The following NHS variants were observed in gnomAD, a reference collection of about 807,000 sequenced individuals.
NHS encodes the protein NHS actin remodeling regulator.
NHS carries 5 observed loss-of-function variants against 72.5 expected under a neutral mutation model. That is an observed-to-expected ratio of 0.07 (90% CI 0.04 to 0.14). NHS has a LOEUF of 0.14. Ranked by LOEUF, NHS falls within the 10% of genes least tolerant of loss-of-function variation. The pLI, the probability that NHS is intolerant of heterozygous loss-of-function variation, is 1.00. For missense variants in NHS, 1,072 were observed against 1,355.7 expected, an observed-to-expected ratio of 0.79 and a Z score of 3.29; for synonymous variants, 464 against 547.7, an observed-to-expected ratio of 0.85 and a Z score of 2.13.
chrX:17,581,698 G>A (rs1023304375), intron 1 of NHS, among the ~76,000 whole-genome samples: 1 of 111,455 alleles, frequency 9.0e-6, no homozygotes, highest in Non-Finnish European at 1.9e-5. Context: ...GGAATTAACA[G>A]GTTAATTAGG....
rs1039634596 is a variant in NHS, at chrX:17,732,784, G to A, written c.*320G>A. 1.1e-5 allele frequency: 3 copies of A among 262,069 alleles called. No homozygotes were observed. The highest frequency in any genetic ancestry group is 2.1e-5 in the Non-Finnish European group (3 of 145,423). The allele number at this position is 262,069 out of a possible 1,213,427, so 21.6% of individuals were successfully genotyped here. On this transcript the variant is annotated 3_prime_UTR_variant, in exon 9 of 9. Coordinates refer to ENST00000676302, the MANE Select transcript of NHS (RefSeq NM_001291867.2). The stretch of plus-strand genomic sequence containing the variant: ...GACACCTAGAAAACGTTTTCCCAGA[G>A]CTGCCTATTCAGAAACTAAAGCCCT...
intron 1 of NHS, among the ~76,000 whole-genome samples, chrX:17,520,446 A>T (rs1196081542): frequency 8.9e-6 from 1 of 111,831 alleles, no homozygotes; most frequent in Admixed American, 9.4e-5. Context: ...GATTGCTCAC[A>T]TTCTGTTTGG....
intron 1 of NHS, among the ~76,000 whole-genome samples, chrX:17,547,178 T>C (rs1261748299): frequency 8.9e-6 from 1 of 112,232 alleles, no homozygotes; most frequent in Non-Finnish European, 1.9e-5. Context: ...TTTTTTCCTT[T>C]AGTGTAACAA....
rs778321482 is a variant in NHS at position 17,561,626 on chromosome X, C to T, written c.566-126116C>T. 3.6e-5 allele frequency among the ~76,000 whole-genome samples: 3 copies of T among 83,389 alleles called. No individual in the cohort carries two copies. The South Asian group carries it at 2.1e-3, about 58-fold the overall frequency. 72.4% of individuals were successfully genotyped at this position (83,389 alleles called of 115,157 possible). ...CACACACACACACACACACATCATGCCTTCCCAAGGTACTGGCTTGGCTTG... is the reference window on the plus strand; with the variant it reads ...CACACACACACACACACACATCATGTCTTCCCAAGGTACTGGCTTGGCTTG... On this transcript the variant is annotated intron_variant, in intron 1 of 8. Coordinates refer to ENST00000676302, the MANE Select transcript of NHS (RefSeq NM_001291867.2).
chrX:17,725,610 A>G lies in NHS; in HGVS notation c.1504A>G (p.Thr502Ala). The change falls in exon 7 of 9, where the codon ACA becomes GCA. Residue 502 changes from threonine (T) to alanine (A), a missense_variant. Physicochemically the swap from Thr to Ala is moderately conservative, Grantham distance 58. Coordinates refer to ENST00000676302, the MANE Select transcript of NHS (RefSeq NM_001291867.2). Reference sequence around the variant, plus strand: ...GTTTACTCCTGCAGTGAGCAGCCGCACAAGATCTCGGAGCCTTCCCCGGGA... The same window carrying G: ...GTTTACTCCTGCAGTGAGCAGCCGCGCAAGATCTCGGAGCCTTCCCCGGGA... Reference protein sequence around the residue: ...TMFTPAVSSRTRSRSLPREGN... With the variant: ...TMFTPAVSSRARSRSLPREGN... 8.3e-7 allele frequency: 1 copy of G among 1,211,590 alleles called. No homozygotes were observed. Among genetic ancestry groups the G allele is most frequent in the Non-Finnish European group, 1.1e-6 (1 of 895,485 alleles).
intron 1 of NHS, among the ~76,000 whole-genome samples, chrX:17,437,248 C>T (rs113825768): frequency 9.0e-6 from 1 of 111,473 alleles, no homozygotes; most frequent in South Asian, 3.8e-4. Context: ...GCCCTCCCCT[C>T]CTGGTGCAAG....
intron 1 of NHS, among the ~76,000 whole-genome samples, chrX:17,673,936 T>C (rs2066064824): frequency 8.9e-6 from 1 of 112,215 alleles, no homozygotes; most frequent in South Asian, 3.7e-4. Flanking sequence ...AGCATGTCTT[T>C]TGAACTTGTG....
intron 1 of NHS, among the ~76,000 whole-genome samples, chrX:17,531,101 C>T (rs774887960): frequency 8.9e-6 from 1 of 112,006 alleles, no homozygotes; most frequent in African/African-American, 3.2e-5. Flanking sequence ...AACCCTCGCA[C>T]CAGCCAGGCT....
At chrX:17,671,845 A>G (rs756109654) in intron 1 of NHS, among the ~76,000 whole-genome samples, 3 of 112,023 alleles carry the variant, frequency 2.7e-5, no homozygotes, top group African/African-American at 6.5e-5. Flanking sequence ...CCCCTTACCT[A>G]AAAGTTCCAA....
In NHS at chrX:17,735,933, G is replaced by T. The variant is rs959277892; in HGVS notation, c.*3469G>T. 8.9e-6 allele frequency: 1 copy of T among 112,106 alleles called. No homozygotes were observed. The highest frequency in any genetic ancestry group is 3.3e-5 in the African/African-American group (1 of 30,699). 9.2% of individuals were successfully genotyped at this position (112,106 alleles called of 1,213,427 possible). On this transcript the variant is annotated 3_prime_UTR_variant, in exon 9 of 9. Transcript: ENST00000676302. Reference sequence around the variant, plus strand: ...AACCCCTCTCAAAAAAAATGTATCAGAAAAGTTTGATTACCTAGAAAGTGT... The same window carrying T: ...AACCCCTCTCAAAAAAAATGTATCATAAAAGTTTGATTACCTAGAAAGTGT...
At chrX:17,388,108 T>C (rs986836606) in intron 1 of NHS, among the ~76,000 whole-genome samples, 2 of 112,039 alleles carry the variant, frequency 1.8e-5, no homozygotes, top group African/African-American at 6.5e-5. Flanking sequence ...TGTTGTGGCT[T>C]CTTTTTGTTA....
At chrX:17,712,824 A>G (rs760867877) in intron 3 of NHS, among the ~76,000 whole-genome samples, 1 of 111,323 alleles carries the variant, frequency 9.0e-6, no homozygotes, top group South Asian at 3.8e-4. Flanking sequence ...TGCTGCATTC[A>G]GGTACTTTGG....
chrX:17,463,767 G>C (rs1350621037), intron 1 of NHS, among the ~76,000 whole-genome samples: 1 of 112,233 alleles, frequency 8.9e-6, no homozygotes, highest in African/African-American at 3.2e-5. Context: ...AAGACCTAAA[G>C]ATCCAGGGGA....
intron 1 of NHS, among the ~76,000 whole-genome samples, chrX:17,422,280 A>G (rs1307678569): frequency 8.9e-6 from 1 of 111,953 alleles, no homozygotes; most frequent in African/African-American, 3.3e-5. Context: ...TGGGGTAACA[A>G]AACTATCAGG....
chrX:17,470,628 A>C (rs972084513), intron 1 of NHS, among the ~76,000 whole-genome samples: 17 of 110,746 alleles, frequency 1.5e-4, no homozygotes, highest in Admixed American at 1.9e-4. Context: ...TGCTCGCTGC[A>C]CTCCAGCTAC....
intron 3 of NHS, among the ~76,000 whole-genome samples, chrX:17,706,384 C>T: frequency 9.0e-6 from 1 of 111,146 alleles, no homozygotes. Context: ...AACAGATATA[C>T]TATGGCTATG....
At chrX:17,539,529 A>G (rs1043901855) in intron 1 of NHS, among the ~76,000 whole-genome samples, 2 of 110,092 alleles carry the variant, frequency 1.8e-5, no homozygotes, top group African/African-American at 6.6e-5. Flanking sequence ...TATCGAATGA[A>G]TGATCAGTGG....
At position 17,389,848 on chromosome X, in the gene NHS, C is replaced by T. The variant is rs188005469; in HGVS notation, c.565+13526C>T. ...AACTCCTGACCTCAAGTGATCTGCC[C>T]GCCTCGGCCTCCCAAAGTGCTGGGA... On this transcript the variant is annotated intron_variant, in intron 1 of 8. Coordinates refer to ENST00000676302, the MANE Select transcript of NHS (RefSeq NM_001291867.2). Among the ~76,000 whole-genome samples the T allele has an allele frequency of 9.3e-3, 1,026 of 110,230 alleles. 14 individuals carry two copies. The highest frequency in any genetic ancestry group is 0.031 in the African/African-American group (924 of 30,215).
intron 1 of NHS, among the ~76,000 whole-genome samples, chrX:17,523,642 C>T (rs983866615): frequency 4.5e-5 from 5 of 111,378 alleles, no homozygotes; most frequent in Non-Finnish European, 7.5e-5. Context: ...ACAGATAGGG[C>T]GGCATCCAGT....
Sources: allele counts gnomAD v4.1 joint callset (sites outside exome capture counted in the v4.1 genomes callset), GRCh38; gene constraint gnomAD v4.1.1; transcripts MANE v1.5; gene names NCBI Gene and HGNC (gene_info 2026-07-23, HGNC 2026-07-21).